The following KLF12 variants were observed in gnomAD, a reference collection of about 807,000 sequenced individuals.
The protein encoded by KLF12 is KLF transcription factor 12, also known as Krueppel-like factor 12.
In KLF12, 9 loss-of-function variants were observed where a neutral mutation model predicts 37.8. The observed-to-expected ratio is 0.24, with a 90% CI of 0.14 to 0.42. The LOEUF (loss-of-function observed/expected upper bound fraction) is 0.42, where lower values mean the gene tolerates loss of function less well. Among genes scored for constraint, KLF12 ranks in the 10% least tolerant of loss-of-function variants. The pLI, the probability that KLF12 is intolerant of heterozygous loss-of-function variation, is 1.00. For synonymous variants in KLF12, 208 were observed against 202.1 expected (o/e 1.03, Z -0.25); for missense variants, 411 against 516.0 (o/e 0.80, Z 1.97).
chr13:73,732,083 ATT>A (rs35067068), intron 6 of KLF12, among the ~76,000 whole-genome samples: 10,744 of 131,270 alleles, frequency 0.082, 399 homozygotes, highest in South Asian at 0.18. Context: ...TATTAACCCT[ATT>A]TTTTTTTTTT....
intron 5 of KLF12, among the ~76,000 whole-genome samples, chr13:73,803,892 T>C (rs1270398257): frequency 6.6e-6 from 1 of 152,142 alleles, no homozygotes; most frequent in Non-Finnish European, 1.5e-5. Context: ...TCCATGATGA[T>C]GTAAATGGCA....
chr13:73,935,537 C>T (rs538057105), intron 3 of KLF12, among the ~76,000 whole-genome samples: 26 of 152,140 alleles, frequency 1.7e-4, no homozygotes, highest in South Asian at 1.7e-3. Context: ...GTAATGAATG[C>T]GTTCTCACTC....
At chr13:74,247,211 G>A in the KLF12 span, among the ~76,000 whole-genome samples, 4 of 152,068 alleles carry the variant, frequency 2.6e-5, no homozygotes, top group African/African-American at 7.2e-5. Flanking sequence ...TATCACAAAC[G>A]CTCTTGATGA....
chr13:74,037,197 C>T (rs988215500), intron 1 of KLF12, among the ~76,000 whole-genome samples: 9 of 141,122 alleles, frequency 6.4e-5, no homozygotes, highest in Non-Finnish European at 1.1e-4. Flanking sequence ...AGCAAGACTC[C>T]GTCTCCAAAA....
chr13:73,835,534 A>AG (rs1884384748), intron 4 of KLF12, among the ~76,000 whole-genome samples: 2 of 152,084 alleles, frequency 1.3e-5, no homozygotes, highest in Non-Finnish European at 1.5e-5. Flanking sequence ...GGAAGGTGAG[A>AG]GAAAAAAGGT....
chr13:73,976,788 A>T (rs1891536593), intron 2 of KLF12, among the ~76,000 whole-genome samples: 1 of 152,218 alleles, frequency 6.6e-6, no homozygotes, highest in East Asian at 1.9e-4. Flanking sequence ...AATGAGACAG[A>T]GTCAATTTTC....
At chr13:73,786,175 G>A (rs1293186515) in intron 5 of KLF12, among the ~76,000 whole-genome samples, 1 of 152,176 alleles carries the variant, frequency 6.6e-6, no homozygotes, top group Non-Finnish European at 1.5e-5. Flanking sequence ...GGTGCAACTG[G>A]TGAGCAGTGA....
intron 4 of KLF12, among the ~76,000 whole-genome samples, chr13:73,821,482 C>T (rs543862064): frequency 6.6e-6 from 1 of 152,202 alleles, no homozygotes; most frequent in African/African-American, 2.4e-5. Flanking sequence ...AACTTTGATT[C>T]ATTTCATTTG....
At chr13:74,151,404 A>T in the KLF12 span, among the ~76,000 whole-genome samples, 3 of 152,200 alleles carry the variant, frequency 2.0e-5, no homozygotes, top group African/African-American at 7.2e-5. Flanking sequence ...TGATCCGAGC[A>T]CTTAGGGAGC....
intron 1 of KLF12, among the ~76,000 whole-genome samples, chr13:74,094,087 A>G (rs1451857951): frequency 4.6e-5 from 7 of 152,206 alleles, no homozygotes; most frequent in African/African-American, 1.7e-4. Flanking sequence ...CAGATGGGCA[A>G]AAGTAGCTAG....
chr13:74,010,056 C>T (rs1892510682), intron 1 of KLF12, among the ~76,000 whole-genome samples: 1 of 151,982 alleles, frequency 6.6e-6, no homozygotes, highest in African/African-American at 2.4e-5. Flanking sequence ...CTCAAGCAAG[C>T]CTCCCACTTG....
At chr13:74,172,538 C>A in the KLF12 span, among the ~76,000 whole-genome samples, 8 of 152,186 alleles carry the variant, frequency 5.3e-5, no homozygotes, top group East Asian at 1.5e-3. Context: ...GTCCATCTGC[C>A]TTCATGGTCA....
chr13:74,214,359 T>C, the KLF12 span, among the ~76,000 whole-genome samples: 1 of 151,860 alleles, frequency 6.6e-6, no homozygotes, highest in South Asian at 2.1e-4. Context: ...GAGCTTCTCC[T>C]CTCCTCTGTT....
intron 1 of KLF12, among the ~76,000 whole-genome samples, chr13:74,034,702 C>T (rs566019326): frequency 6.6e-6 from 1 of 152,246 alleles, no homozygotes; most frequent in East Asian, 1.9e-4. Flanking sequence ...TTTTATGAAG[C>T]AAAGTATTAG....
the KLF12 span, among the ~76,000 whole-genome samples, chr13:74,256,014 G>T: frequency 1.3e-5 from 2 of 152,092 alleles, no homozygotes; most frequent in African/African-American, 4.8e-5. Flanking sequence ...AATTAGCCAG[G>T]CGTGGTGGCG....
At chr13:73,716,344 C>G (rs1269724779) in intron 6 of KLF12, among the ~76,000 whole-genome samples, 2 of 151,954 alleles carry the variant, frequency 1.3e-5, no homozygotes, top group East Asian at 1.9e-4. Flanking sequence ...TTTTTAGTAC[C>G]ATGACATTCT....
chr13:73,786,775 A>AT (rs1881380031), intron 5 of KLF12, among the ~76,000 whole-genome samples: 4 of 140,142 alleles, frequency 2.9e-5, no homozygotes. Flanking sequence ...AAAAAAAAAA[A>AT]TTAGCTGGGC....
chr13:73,906,174 T>C (rs537794276), intron 3 of KLF12, among the ~76,000 whole-genome samples: 4 of 152,330 alleles, frequency 2.6e-5, no homozygotes, highest in African/African-American at 7.2e-5. Flanking sequence ...AATACTAAAA[T>C]AGATTTTTTG....
intron 6 of KLF12, among the ~76,000 whole-genome samples, chr13:73,724,878 G>C (rs9543432): frequency 0.58 from 87,710 of 151,998 alleles, 26,602 homozygotes; most frequent in East Asian, 0.73. Context: ...AGAAAGATCT[G>C]TGTGGTACTT....
Sources: allele counts gnomAD v4.1 joint callset (sites outside exome capture counted in the v4.1 genomes callset), GRCh38; gene constraint gnomAD v4.1.1; transcripts MANE v1.5; gene names NCBI Gene and HGNC (gene_info 2026-07-23, HGNC 2026-07-21).